Variants in ITGB1BP1 observed in about 807,000 individuals in gnomAD.
ITGB1BP1 encodes the protein integrin beta-1-binding protein 1.
Under a neutral mutation model 28.0 loss-of-function variants are expected in ITGB1BP1, and 20 were observed. That is an observed-to-expected ratio of 0.71 (90% confidence interval 0.50 to 1.04). The LOEUF (loss-of-function observed/expected upper bound fraction) is 1.04. ITGB1BP1 is among the 50% of genes least tolerant of loss of function. ITGB1BP1 has a pLI of 0.00. For missense variants in ITGB1BP1, 228 were observed against 242.5 expected (o/e 0.94, Z 0.40); for synonymous variants, 103 against 89.5 (o/e 1.15, Z -0.85).
Position 9,420,936 on chromosome 2 carries a change from G to A in ITGB1BP1, c.-35-2204C>T, listed in dbSNP as rs181957631. On this transcript the variant is annotated intron_variant, in intron 1 of 6. Coordinates refer to ENST00000355346, the MANE Select transcript of ITGB1BP1 (RefSeq NM_004763.5). ...GAGAGATGTGTTGGAAGAAGACTGC[G>A]GGTGATTGCTGCAAAGGGGAACCTT... 2.2e-4 allele frequency among the ~76,000 whole-genome samples: 34 copies of A among 152,308 alleles called. No individual in the cohort carries two copies. The East Asian group carries it at 4.8e-3, about 22-fold the overall frequency.
At position 9,407,468 on chromosome 2, in the gene ITGB1BP1, A is replaced by C; in HGVS notation, c.512T>G (p.Val171Gly). The change falls in exon 6 of 7, where the codon GTT (valine) becomes GGT (glycine). Residue 171 changes from valine to glycine, a missense_variant. Around this residue, in one of 2 missense-constraint regions of ITGB1BP1, gnomAD observed 192 missense variants for 181.6 expected, o/e 1.06. Coordinates refer to ENST00000355346, the MANE Select transcript of ITGB1BP1 (RefSeq NM_004763.5). ...DASNEEYSLWVYQCNSLEQAQ... is the reference protein window; with the variant it reads ...DASNEEYSLWGYQCNSLEQAQ... ...TCTCACCAGGCTGTTGCACTGATAA[A>C]CCCACAGGCTGTATTCCTCATTGCT... 1 of 1,614,118 alleles carries C rather than the reference A, an allele frequency of 6.2e-7. No individual in the cohort carries two copies. Among genetic ancestry groups the C allele is most frequent in the Non-Finnish European group, 8.5e-7 (1 of 1,180,024 alleles).
Position 9,406,847 on chromosome 2 carries a change from G to C in ITGB1BP1, c.590C>G (p.Ser197Cys), listed in dbSNP as rs201269168. 31 of 1,611,810 alleles carry C rather than the reference G, an allele frequency of 1.9e-5. No individual in the cohort carries two copies. Among genetic ancestry groups the C allele is most frequent in the Non-Finnish European group, 2.6e-5 (31 of 1,177,994 alleles). Residue 197 changes from serine (S) to cysteine (C), a missense_variant, in exon 7 of 7, where the codon TCT becomes TGT. By Grantham distance (112) the Ser-to-Cys change is moderately radical. Transcript: ENST00000355346. ...TGATTGCAGGATTCAGGGTTTCTCA[G>C]ATGTTAATACAGAGTCAAAAGCGGT... is the stretch of plus-strand genomic sequence containing the variant. The part of the protein sequence containing the change: ...LSTAFDSVLT[S>C]EKP
At chr2:9,420,306 G>A (rs995375398) in intron 1 of ITGB1BP1, 5 of 152,342 alleles carry the variant, frequency 3.3e-5, no homozygotes, top group African/African-American at 9.6e-5. Flanking sequence ...TGCTTTATTT[G>A]TGGGGTACCA....
intron 4 of ITGB1BP1, among the ~76,000 whole-genome samples, chr2:9,411,443 C>T (rs1558426639): frequency 6.6e-6 from 1 of 152,182 alleles, no homozygotes; most frequent in East Asian, 1.9e-4. Context: ...ATTAATAGGC[C>T]GGGCACAAGG....
At chr2:9,413,580 T>G (rs1265204415) in intron 3 of ITGB1BP1, among the ~76,000 whole-genome samples, 2 of 152,182 alleles carry the variant, frequency 1.3e-5, no homozygotes, top group African/African-American at 4.8e-5. Flanking sequence ...TCCACCTGCC[T>G]TGGACCCCCG....
intron 1 of ITGB1BP1, chr2:9,423,054 C>G (rs968637322): frequency 2.0e-6 from 2 of 998,150 alleles, no homozygotes; most frequent in Non-Finnish European, 2.4e-6. Flanking sequence ...CCCTGAGAGG[C>G]GGGAGGCGGC....
Position 9,406,750 on chromosome 2 carries a change from T to C in ITGB1BP1, c.*84A>G. The stretch of plus-strand genomic sequence containing the variant: ...AGAAAATCTAGAGCAAGGGATAACT[T>C]CATTATTTGCATAACATTTCAGCAT... On this transcript the variant is annotated 3_prime_UTR_variant, in exon 7 of 7. Coordinates refer to ENST00000355346, the MANE Select transcript of ITGB1BP1 (RefSeq NM_004763.5). 1.1e-6 allele frequency: 1 copy of C among 923,492 alleles called. No individual in the cohort carries two copies. The highest frequency in any genetic ancestry group is 1.3e-5 in the South Asian group (1 of 76,238). 57.2% of individuals were successfully genotyped at this position (923,492 alleles called of 1,614,324 possible).
Position 9,414,230 on chromosome 2 carries a change from A to T in ITGB1BP1, c.99T>A (p.Leu33=), listed in dbSNP as rs1678836814. ...GGCTGGCCACAGTGCTGGATCGTGA[A>T]AGACCCCCAAGGCTAGAATCCACAG... The part of the protein sequence containing the change: ...SKSVDSSLGG[L]SRSSTVASLD... Residue 33 remains leucine, a synonymous_variant, in exon 3 of 7, where the codon CTT becomes CTA. Transcript: ENST00000355346. 1 of 1,613,982 alleles carries T rather than the reference A, an allele frequency of 6.2e-7. No individual in the cohort carries two copies. Among genetic ancestry groups the T allele is most frequent in the East Asian group, 2.2e-5 (1 of 44,894 alleles).
At chr2:9,414,537 G>A (rs182065565) in intron 2 of ITGB1BP1, among the ~76,000 whole-genome samples, 5 of 152,234 alleles carry the variant, frequency 3.3e-5, no homozygotes, top group East Asian at 3.9e-4. Context: ...AGCCATTACC[G>A]CCACCTCCTT....
chr2:9,407,817 C>T (rs1398365665), intron 5 of ITGB1BP1, among the ~76,000 whole-genome samples: 1 of 151,684 alleles, frequency 6.6e-6, no homozygotes, highest in South Asian at 2.1e-4. Flanking sequence ...CTGTGCCCAC[C>T]GTCCAAGCTG....
intron 3 of ITGB1BP1, among the ~76,000 whole-genome samples, chr2:9,413,619 C>T (rs762925248): frequency 1.1e-4 from 16 of 152,074 alleles, no homozygotes; most frequent in Admixed American, 6.6e-5. Flanking sequence ...CGTGAGCCAA[C>T]GCACCCAGCC....
intron 3 of ITGB1BP1, 55 bp from the exon 4 acceptor site, chr2:9,412,460 T>C: frequency 6.9e-7 from 1 of 1,443,802 alleles, no homozygotes; most frequent in Non-Finnish European, 9.4e-7. Flanking sequence ...CATTACAGAG[T>C]ATCCTCAGTC....
rs199642720 is a variant in ITGB1BP1 at position 9,406,861 on chromosome 2, G to C, written c.576C>G (p.Asp192Glu). ...AICKVLSTAF[D>E]SVLTSEKP ...AGGGTTTCTCAGATGTTAATACAGAGTCAAAAGCGGTGGATAAAACCTTGC... is the reference window on the plus strand; with the variant it reads ...AGGGTTTCTCAGATGTTAATACAGACTCAAAAGCGGTGGATAAAACCTTGC... Residue 192 changes from aspartate (D) to glutamate (E), a missense_variant, in exon 7 of 7, where the codon GAC (aspartate) becomes GAG (glutamate). This residue lies in a region of ITGB1BP1 where 192 missense variants were observed against 181.6 expected (regional missense o/e 1.06). Coordinates refer to ENST00000355346, the MANE Select transcript of ITGB1BP1 (RefSeq NM_004763.5). 1 of 1,613,196 alleles carries C rather than the reference G, an allele frequency of 6.2e-7. No individual in the cohort carries two copies. The highest frequency in any genetic ancestry group is 8.5e-7 in the Non-Finnish European group (1 of 1,179,140).
intron 3 of ITGB1BP1, 123 bp from the exon 4 acceptor site, chr2:9,412,528 T>C (rs1046639296): frequency 4.2e-5 from 31 of 744,424 alleles, no homozygotes; most frequent in Admixed American, 8.8e-5. Context: ...ACAAATTTTA[T>C]AATACACAAT....
chr2:9,412,169 G>A (rs894945585), intron 4 of ITGB1BP1, 100 bp downstream of exon 4: 13 of 979,758 alleles, frequency 1.3e-5, no homozygotes, highest in South Asian at 4.2e-5. Flanking sequence ...CAAGCGGAGC[G>A]GCACCCAGTG....
intron 4 of ITGB1BP1, among the ~76,000 whole-genome samples, chr2:9,410,747 T>C (rs910374382): frequency 2.6e-5 from 4 of 152,020 alleles, no homozygotes; most frequent in Non-Finnish European, 4.4e-5. Flanking sequence ...GCAATTAAAA[T>C]TGTTTTTTTT....
At chr2:9,422,887 T>C in intron 1 of ITGB1BP1, 1 of 985,836 alleles carries the variant, frequency 1.0e-6, no homozygotes, top group Non-Finnish European at 1.2e-6. Flanking sequence ...GTCACCAGAG[T>C]AAGGACGGAT....
chr2:9,417,775 A>C (rs1261029507), intron 2 of ITGB1BP1, among the ~76,000 whole-genome samples: 20 of 139,684 alleles, frequency 1.4e-4, no homozygotes, highest in East Asian at 4.2e-4. Context: ...CCAATCTCCC[A>C]CCCCCTCCAT....
chr2:9,407,000 A>G, intron 6 of ITGB1BP1, 95 bp from the exon 7 acceptor site: 3 of 910,688 alleles, frequency 3.3e-6, no homozygotes, highest in Non-Finnish European at 5.5e-6. Context: ...CCCTCTTAAG[A>G]CCTCTCCTAA....
Sources: allele counts gnomAD v4.1 joint callset (sites outside exome capture counted in the v4.1 genomes callset), GRCh38; gene constraint gnomAD v4.1.1; regional missense constraint gnomAD v4.1.1; transcripts MANE v1.5; gene names NCBI Gene and HGNC (gene_info 2026-07-23, HGNC 2026-07-21).